Variants in PPP1R1C observed in about 807,000 individuals in gnomAD.
PPP1R1C encodes protein phosphatase 1 regulatory inhibitor subunit 1C.
Under a neutral mutation model 17.4 loss-of-function variants are expected in PPP1R1C, and 15 were observed. The ratio of observed to expected loss-of-function variants is 0.86; its 90% CI spans 0.58 to 1.33. The LOEUF (loss-of-function observed/expected upper bound fraction) is 1.33, where lower values mean the gene tolerates loss of function less well. Ranked by LOEUF, PPP1R1C falls within the 40% of genes most tolerant of loss-of-function variation. PPP1R1C has a pLI of 0.00. For synonymous variants in PPP1R1C, 35 were observed against 43.1 expected (o/e 0.81, Z 0.73); for missense variants, 143 against 130.0 (o/e 1.10, Z -0.48).
chr2:182,107,794 G>A (rs148926233), intron 4 of PPP1R1C, among the ~76,000 whole-genome samples: 1 of 152,060 alleles, frequency 6.6e-6, no homozygotes, highest in Non-Finnish European at 1.5e-5. Context: ...TTTCTACTTT[G>A]AGAAAACCAA....
In PPP1R1C at chr2:182,017,574, T is replaced by C. The variant is rs560030087; in HGVS notation, c.142+29675T>C. Among the ~76,000 whole-genome samples the C allele has an allele frequency of 2.2e-4, 33 of 152,206 alleles. 1 individual carries two copies. In the South Asian group the frequency reaches 6.2e-3, roughly 29 times the overall value. On this transcript the variant is annotated intron_variant, in intron 2 of 4. Coordinates refer to ENST00000682840, the MANE Select transcript of PPP1R1C (RefSeq NM_001080545.3). ...AACATTTAAAGAATATAGGGGTGAA[T>C]TGAAATAATTTTTCACTTATTTAAT...
intron 2 of PPP1R1C, among the ~76,000 whole-genome samples, chr2:182,001,347 C>T (rs1026761558): frequency 2.6e-5 from 4 of 152,118 alleles, no homozygotes; most frequent in Admixed American, 2.0e-4. Context: ...AAAGACTGAG[C>T]GTGTTTTGTT....
intron 4 of PPP1R1C, among the ~76,000 whole-genome samples, chr2:182,065,298 C>T (rs1302543064): frequency 6.6e-6 from 1 of 152,046 alleles, no homozygotes; most frequent in South Asian, 2.1e-4. Context: ...TGGAAGTCCC[C>T]TGCTTATGAT....
chr2:182,057,998 C>T (rs1033654595), intron 2 of PPP1R1C, among the ~76,000 whole-genome samples: 20 of 152,036 alleles, frequency 1.3e-4, no homozygotes, highest in African/African-American at 4.8e-4. Context: ...TCCCATGGAG[C>T]ACCTTCTTCA....
chr2:182,062,538 A>C (rs1200629488), intron 3 of PPP1R1C, among the ~76,000 whole-genome samples: 1 of 152,156 alleles, frequency 6.6e-6, no homozygotes, highest in African/African-American at 2.4e-5. Flanking sequence ...CCCTGTCTAC[A>C]CCTGTGCATA....
intron 4 of PPP1R1C, among the ~76,000 whole-genome samples, chr2:182,096,231 C>A (rs540448328): frequency 6.6e-6 from 1 of 152,090 alleles, no homozygotes. Context: ...ATTTAGCAAG[C>A]CTTGTTTGTT....
chr2:181,970,822 C>T (rs1684993863), intron 1 of PPP1R1C, among the ~76,000 whole-genome samples: 1 of 152,150 alleles, frequency 6.6e-6, no homozygotes, highest in South Asian at 2.1e-4. Flanking sequence ...CTCCTTTCCA[C>T]AAGCAGAGGG....
At chr2:182,069,442 C>T (rs1179373226) in intron 4 of PPP1R1C, among the ~76,000 whole-genome samples, 1 of 151,390 alleles carries the variant, frequency 6.6e-6, no homozygotes, top group Non-Finnish European at 1.5e-5. Context: ...TCTTGCAAGT[C>T]ACTAAGGTAT....
chr2:182,072,484 C>G (rs1688167922), intron 4 of PPP1R1C, among the ~76,000 whole-genome samples: 1 of 152,328 alleles, frequency 6.6e-6, no homozygotes, highest in East Asian at 1.9e-4. Flanking sequence ...TGAAAGGTAA[C>G]TAAAATAGTT....
rs191465006 is a variant in PPP1R1C, at chr2:182,108,061, A to G, written c.242-9146A>G. On this transcript the variant is annotated intron_variant, in intron 4 of 4. Coordinates refer to ENST00000682840, the MANE Select transcript of PPP1R1C (RefSeq NM_001080545.3). ...GGATCATACCCATCAACAAACAAGT[A>G]TCCTCTATTGTTTCCTAGGTTAAAA... 3.8e-3 allele frequency among the ~76,000 whole-genome samples: 578 copies of G among 152,088 alleles called. 8 individuals carry two copies. The highest frequency in any genetic ancestry group is 0.013 in the African/African-American group (544 of 41,510).
chr2:182,120,089 T>A (rs1438190967), downstream of PPP1R1C, among the ~76,000 whole-genome samples: 1 of 152,152 alleles, frequency 6.6e-6, no homozygotes, highest in African/African-American at 2.4e-5. Context: ...TTGTATAAGG[T>A]GTAAGGAAGG....
At chr2:182,001,644 T>A (rs1287259806) in intron 2 of PPP1R1C, among the ~76,000 whole-genome samples, 1 of 152,162 alleles carries the variant, frequency 6.6e-6, no homozygotes, top group Non-Finnish European at 1.5e-5. Context: ...ATTTTACAAC[T>A]TAAATTATTT....
At chr2:182,073,266 G>A (rs1476660534) in intron 4 of PPP1R1C, among the ~76,000 whole-genome samples, 1 of 152,172 alleles carries the variant, frequency 6.6e-6, no homozygotes, top group African/African-American at 2.4e-5. Context: ...TGAGGGCAGG[G>A]CCCATGTCCT....
chr2:181,984,363 TA>T (rs1048857750), upstream of PPP1R1C, among the ~76,000 whole-genome samples: 12 of 152,232 alleles, frequency 7.9e-5, no homozygotes, highest in African/African-American at 2.9e-4. Flanking sequence ...AACTCCTCAC[TA>T]AAAATACTGT....
At chr2:182,082,188 C>T (rs1007550242) in intron 4 of PPP1R1C, among the ~76,000 whole-genome samples, 1 of 152,038 alleles carries the variant, frequency 6.6e-6, no homozygotes, top group Non-Finnish European at 1.5e-5. Context: ...TCTCACTTCA[C>T]CCATGCAAAG....
chr2:181,977,109 G>A (rs938745849), intron 2 of PPP1R1C, among the ~76,000 whole-genome samples: 7 of 114,930 alleles, frequency 6.1e-5, no homozygotes, highest in Non-Finnish European at 1.1e-4. Context: ...ACTCCAGCCT[G>A]GGCAACAGAG....
At chr2:182,005,965 A>C (rs1685911590) in intron 2 of PPP1R1C, among the ~76,000 whole-genome samples, 1 of 152,220 alleles carries the variant, frequency 6.6e-6, no homozygotes, top group African/African-American at 2.4e-5. Context: ...TTATGGCATC[A>C]CAGTATTAGA....
At chr2:182,126,161 G>A (rs1424475586) in intron 5 of PPP1R1C, among the ~76,000 whole-genome samples, 2 of 151,904 alleles carry the variant, frequency 1.3e-5, no homozygotes, top group East Asian at 1.9e-4. Flanking sequence ...CATATATATT[G>A]TATTTTTTTA....
intron 1 of PPP1R1C, among the ~76,000 whole-genome samples, chr2:181,958,970 T>C (rs544220236): frequency 2.9e-4 from 44 of 152,384 alleles, no homozygotes; most frequent in African/African-American, 9.1e-4. Context: ...TTTGCATTTC[T>C]GCAAGAAATG....
Sources: allele counts gnomAD v4.1 joint callset (sites outside exome capture counted in the v4.1 genomes callset), GRCh38; gene constraint gnomAD v4.1.1; transcripts MANE v1.5; gene names NCBI Gene and HGNC (gene_info 2026-07-23, HGNC 2026-07-21).